TNC: variants seen among roughly 807,000 people sequenced by gnomAD.
TNC encodes tenascin C.
TNC carries 109 observed loss-of-function variants against 202.4 expected under a neutral mutation model. The ratio of observed to expected loss-of-function variants is 0.54; its 90% CI spans 0.46 to 0.63. TNC has a LOEUF of 0.63. Ranked by LOEUF, TNC falls within the 30% of genes least tolerant of loss-of-function variation. The pLI is 0.00. For missense variants in TNC, 2,756 were observed against 2,833.3 expected, an observed-to-expected ratio of 0.97 and a Z score of 0.62; for synonymous variants, 1,007 against 1,089.7, an observed-to-expected ratio of 0.92 and a Z score of 1.50.
Position 115,029,347 on chromosome 9 carries a change from A to G in TNC, c.6169+13T>C, listed in dbSNP as rs966018150. The G allele has an allele frequency of 6.2e-7, 1 of 1,612,408 alleles. No individual in the cohort carries two copies. Among genetic ancestry groups the G allele is most frequent in the Admixed American group, 1.7e-5 (1 of 60,002 alleles). ...TCAGGCATTTTAGATATAAACATGCAGGGCTGCATTACCAAGCCAGAATTC... is the reference window on the plus strand; with the variant it reads ...TCAGGCATTTTAGATATAAACATGCGGGGCTGCATTACCAAGCCAGAATTC... On this transcript the variant is annotated intron_variant, in intron 25 of 27. Transcript: ENST00000350763.
chr9:115,056,991 T>G lies in TNC; in HGVS notation c.4579+162A>C, dbSNP rs2132434723. 5.3e-5 allele frequency among the ~76,000 whole-genome samples: 8 copies of G among 152,358 alleles called. 2 individuals are homozygous for G. The highest frequency in any genetic ancestry group is 5.2e-4 in the Admixed American group (8 of 15,312). The stretch of plus-strand genomic sequence containing the variant: ...CTTTATGGCAATGCATTATTTGGGC[T>G]GCTGTTGGAAAAGAGTTATGTTAAA... On this transcript the variant is annotated intron_variant, in intron 15 of 27. Transcript: ENST00000350763.
rs1828998482 is a variant in TNC, at chr9:115,020,646, CA to C, written c.*510del. The C allele has an allele frequency of 2.8e-6, 1 of 355,764 alleles. No homozygotes were observed. The highest frequency in any genetic ancestry group is 2.1e-5 in the African/African-American group (1 of 46,940). The allele number at this position is 355,764 out of a possible 1,614,324, so 22.0% of individuals were successfully genotyped here. ...CCTTAGTTTTCATCATCATCATCAT[CA>C]TTATTATATTAATAATATTAATCAT... On this transcript the variant is annotated 3_prime_UTR_variant, in exon 28 of 28. Coordinates refer to ENST00000350763, the MANE Select transcript of TNC (RefSeq NM_002160.4).
At chr9:115,035,859 C>T in intron 21 of TNC, 1 of 471,270 alleles carries the variant, frequency 2.1e-6, no homozygotes. Context: ...ACAAAGCCCT[C>T]CTCTTAAAAT....
At chr9:115,079,735 G>A (rs1171979233) in intron 6 of TNC, among the ~76,000 whole-genome samples, 4 of 152,124 alleles carry the variant, frequency 2.6e-5, no homozygotes, top group Non-Finnish European at 5.9e-5. Flanking sequence ...ATTTTTCCAA[G>A]GTGATGGTGA....
chr9:115,048,497 C>G lies in TNC; in HGVS notation c.4615G>C (p.Asp1539His), dbSNP rs770213784. 11 of 1,613,542 alleles carry G rather than the reference C, an allele frequency of 6.8e-6. No homozygotes were observed. In the East Asian group the frequency reaches 2.2e-4, roughly 33 times the overall value. ...LPLLENLTISDINPYGFTVSW... is the reference protein window; with the variant it reads ...LPLLENLTISHINPYGFTVSW... ...ACTGTGAACCCGTAGGGATTAATGT[C>G]GGAAATGGTTAGGTTTTCCAGAAGG... Residue 1539 changes from aspartate to histidine, a missense_variant, in exon 16 of 28, where the codon GAC becomes CAC. By Grantham distance (81) the Asp-to-His change is moderately conservative. Around this residue, in one of 2 missense-constraint regions of TNC, gnomAD observed 2,559 missense variants for 2,546.0 expected, o/e 1.01. Transcript: ENST00000350763.
chr9:115,055,580 C>T (rs113895194), intron 15 of TNC: 1 of 152,426 alleles, frequency 6.6e-6, no homozygotes, highest in East Asian at 1.9e-4. Flanking sequence ...GATGACAGAG[C>T]TGCGAGACAC....
intron 2 of TNC, among the ~76,000 whole-genome samples, chr9:115,087,906 T>C (rs773118518): frequency 1.3e-5 from 2 of 152,088 alleles, no homozygotes; most frequent in African/African-American, 4.8e-5. Context: ...GGTTTCACCA[T>C]GTTAGCCAGG....
intron 1 of TNC, among the ~76,000 whole-genome samples, chr9:115,092,659 C>T (rs1029457490): frequency 7.2e-5 from 11 of 152,120 alleles, no homozygotes; most frequent in African/African-American, 2.4e-4. Flanking sequence ...CTGCAACTTC[C>T]GCCTCCCAGG....
At chr9:115,056,064 C>G (rs1433562063) in intron 15 of TNC, among the ~76,000 whole-genome samples, 2 of 152,176 alleles carry the variant, frequency 1.3e-5, no homozygotes, top group African/African-American at 4.8e-5. Flanking sequence ...AGGACAGACC[C>G]TCTCTCAACC....
At chr9:115,110,088 C>T (rs1404204271) in intron 1 of TNC, among the ~76,000 whole-genome samples, 1 of 151,984 alleles carries the variant, frequency 6.6e-6, no homozygotes, top group Non-Finnish European at 1.5e-5. Flanking sequence ...AATGAGATGA[C>T]AGTAAAAGGG....
chr9:115,066,739 A>G (rs887815945), intron 10 of TNC, among the ~76,000 whole-genome samples: 4 of 152,246 alleles, frequency 2.6e-5, no homozygotes, highest in Non-Finnish European at 4.4e-5. Context: ...CCAAAGAAGA[A>G]TATTATTTCA....
intron 19 of TNC, among the ~76,000 whole-genome samples, chr9:115,039,794 G>A (rs1237669877): frequency 6.6e-6 from 1 of 152,226 alleles, no homozygotes; most frequent in African/African-American, 2.4e-5. Flanking sequence ...GATGACAATG[G>A]GGCATTGGGA....
chr9:115,060,335 A>G (rs7864743), intron 13 of TNC, among the ~76,000 whole-genome samples: 12,266 of 152,224 alleles, frequency 0.081, 661 homozygotes, highest in African/African-American at 0.15. Flanking sequence ...GAGATACAGC[A>G]ATGGTTACAA....
intron 1 of TNC, among the ~76,000 whole-genome samples, chr9:115,095,714 A>C (rs1171150308): frequency 7.0e-6 from 1 of 142,932 alleles, no homozygotes; most frequent in African/African-American, 2.6e-5. Context: ...GTATATATAT[A>C]TCTCCATATA....
chr9:115,061,234 G>A (rs781125613), intron 13 of TNC, among the ~76,000 whole-genome samples: 4 of 152,158 alleles, frequency 2.6e-5, no homozygotes, highest in Non-Finnish European at 5.9e-5. Context: ...GAGAGTCTGA[G>A]CAACCTCTGA....
intron 26 of TNC, among the ~76,000 whole-genome samples, chr9:115,025,003 A>C (rs992306340): frequency 6.6e-6 from 1 of 152,198 alleles, no homozygotes; most frequent in Non-Finnish European, 1.5e-5. Context: ...TGCTACCCAG[A>C]GCATGAGGAC....
chr9:115,052,154 TCAA>T (rs1831733359), intron 15 of TNC, among the ~76,000 whole-genome samples: 1 of 151,536 alleles, frequency 6.6e-6, no homozygotes. Flanking sequence ...TCTGTCATTT[TCAA>T]CAACACGGAT....
chr9:115,036,146 C>T lies in TNC; in HGVS notation c.5608G>A (p.Glu1870Lys), dbSNP rs1315180848. The change falls in exon 21 of 28, where the codon GAG (glutamate) becomes AAG (lysine). Residue 1870 changes from glutamate to lysine, a missense_variant. Glu to Lys is a moderately conservative substitution (Grantham distance 56, BLOSUM62 1). Transcript: ENST00000350763. Reference sequence around the variant, plus strand: ...GTTGAGCTCTTCTGGGGCCCTTTCTCTGCAAAGATTCTCAGTGTGTATTCC... The same window carrying T: ...GTTGAGCTCTTCTGGGGCCCTTTCTTTGCAAAGATTCTCAGTGTGTATTCC... ...ATEYTLRIFAEKGPQKSSTIT... is the reference protein window; with the variant it reads ...ATEYTLRIFAKKGPQKSSTIT... 1 of 1,614,180 alleles carries T rather than the reference C, an allele frequency of 6.2e-7. No homozygotes were observed. The highest frequency in any genetic ancestry group is 8.5e-7 in the Non-Finnish European group (1 of 1,180,018).
chr9:115,054,416 A>G (rs1207070947), intron 15 of TNC, among the ~76,000 whole-genome samples: 1 of 152,230 alleles, frequency 6.6e-6, no homozygotes, highest in African/African-American at 2.4e-5. Context: ...ACCACACAAA[A>G]GATTAAAATG....
Sources: gnomAD v4.1 joint callset for allele counts (sites outside exome capture counted in the v4.1 genomes callset) on GRCh38, gnomAD v4.1.1 for gene constraint, gnomAD v4.1.1 regional missense constraint, MANE v1.5 for transcripts, NCBI Gene and HGNC (gene_info 2026-07-23, HGNC 2026-07-21) for gene names.